PRIM2: variants seen among roughly 807,000 people sequenced by gnomAD.
PRIM2 encodes DNA primase subunit 2, also known as DNA primase large subunit.
A neutral mutation model predicts 67.3 loss-of-function variants in PRIM2; 39 were observed. The observed-to-expected ratio is 0.58, with a 90% CI of 0.45 to 0.76. The LOEUF is 0.76. Among genes scored for constraint, PRIM2 ranks in the 30% least tolerant of loss-of-function variants. PRIM2 has a pLI of 0.00. For missense variants in PRIM2, 398 were observed against 598.7 expected (o/e 0.66, Z 3.50); for synonymous variants, 143 against 198.7 (o/e 0.72, Z 2.36).
intron 8 of PRIM2, among the ~76,000 whole-genome samples, chr6:57,525,545 C>A (rs1374555583): frequency 2.0e-5 from 3 of 152,174 alleles, no homozygotes; most frequent in African/African-American, 7.2e-5. Context: ...CCCAAGATCA[C>A]CCCTTCCGCC....
At chr6:57,290,888 A>G in the PRIM2 span, among the ~76,000 whole-genome samples, 1 of 152,250 alleles carries the variant, frequency 6.6e-6, no homozygotes, top group Non-Finnish European at 1.5e-5. Context: ...AATGCCCACA[A>G]GAGAAAGCAG....
chr6:57,278,795 G>A, the PRIM2 span, among the ~76,000 whole-genome samples: 2 of 152,044 alleles, frequency 1.3e-5, no homozygotes, highest in Non-Finnish European at 2.9e-5. Flanking sequence ...CAGCAGTTGG[G>A]GAGGTAAAAG....
At chr6:57,527,365 G>T (rs1774779612) in intron 8 of PRIM2, among the ~76,000 whole-genome samples, 1 of 152,190 alleles carries the variant, frequency 6.6e-6, no homozygotes, top group African/African-American at 2.4e-5. Context: ...ACTCAGGCTA[G>T]AAACTGATTT....
At chr6:57,480,984 A>G (rs1318640851) in intron 7 of PRIM2, among the ~76,000 whole-genome samples, 10 of 152,162 alleles carry the variant, frequency 6.6e-5, no homozygotes, top group African/African-American at 2.2e-4. Context: ...ATAACTTTTA[A>G]CTTTTTAAAA....
the PRIM2 span, among the ~76,000 whole-genome samples, chr6:57,259,594 G>A: frequency 1.3e-5 from 2 of 152,090 alleles, no homozygotes; most frequent in African/African-American, 4.8e-5. Flanking sequence ...TGCATTGCTG[G>A]GACTACAAAT....
At chr6:57,309,593 C>G in the PRIM2 span, among the ~76,000 whole-genome samples, 1 of 152,064 alleles carries the variant, frequency 6.6e-6, no homozygotes, top group Non-Finnish European at 1.5e-5. Flanking sequence ...GGTTCCAAGT[C>G]TTTGCTATTG....
chr6:57,300,213 T>G, the PRIM2 span, among the ~76,000 whole-genome samples: 2 of 152,246 alleles, frequency 1.3e-5, no homozygotes, highest in Non-Finnish European at 2.9e-5. Context: ...CATTTTGGAC[T>G]TGGCTTTTCA....
intron 7 of PRIM2, among the ~76,000 whole-genome samples, chr6:57,458,815 C>T (rs1262118599): frequency 7.9e-5 from 12 of 152,178 alleles, no homozygotes; most frequent in African/African-American, 2.7e-4. Flanking sequence ...CCAGAATACA[C>T]ACTTTGTCTT....
At chr6:57,428,908 A>G (rs73749589) in intron 7 of PRIM2, among the ~76,000 whole-genome samples, 2 of 152,180 alleles carry the variant, frequency 1.3e-5, no homozygotes, top group Non-Finnish European at 2.9e-5. Flanking sequence ...TTGTATGTAT[A>G]TATGTATTCT....
At chr6:57,441,832 G>C (rs943794742) in intron 7 of PRIM2, among the ~76,000 whole-genome samples, 28 of 152,114 alleles carry the variant, frequency 1.8e-4, no homozygotes, top group Non-Finnish European at 3.1e-4. Flanking sequence ...AGGCAATTCA[G>C]TAAGTCTGAG....
At chr6:57,385,545 G>A (rs1211477774) in intron 7 of PRIM2, among the ~76,000 whole-genome samples, 9 of 152,116 alleles carry the variant, frequency 5.9e-5, no homozygotes, top group African/African-American at 1.4e-4. Context: ...ATGTTTATAA[G>A]TTACTACCAT....
chr6:57,471,187 A>G (rs1156857976), intron 7 of PRIM2, among the ~76,000 whole-genome samples: 12 of 152,052 alleles, frequency 7.9e-5, no homozygotes, highest in African/African-American at 2.7e-4. Flanking sequence ...AGGTACAAAG[A>G]CTGTGAGCTG....
the PRIM2 span, among the ~76,000 whole-genome samples, chr6:57,241,671 A>C: frequency 2.0e-5 from 3 of 146,736 alleles, no homozygotes; most frequent in African/African-American, 7.6e-5. Context: ...TTAATACTAA[A>C]CTATGCAGAA....
Position 57,318,548 on chromosome 6 carries a change from G to A in PRIM2, c.103G>A (p.Glu35Lys). 1 of 1,591,778 alleles carries A rather than the reference G, an allele frequency of 6.3e-7. No individual in the cohort carries two copies. Among genetic ancestry groups the A allele is most frequent in the African/African-American group, 1.3e-5 (1 of 74,654 alleles). ...TCAGTTTTACTTGCAGCCACCTTCT[G>A]AAAACATATCTTTAATAGAATTTGA... is the stretch of plus-strand genomic sequence containing the variant. ...CLQFYLQPPS[E>K]NISLIEFENL... Residue 35 changes from glutamate to lysine, a missense_variant, in exon 2 of 14, where the codon GAA becomes AAA. By Grantham distance (56) the Glu-to-Lys change is moderately conservative (BLOSUM62 1). Coordinates refer to ENST00000615550, the MANE Select transcript of PRIM2 (RefSeq NM_000947.5).
intron 10 of PRIM2, among the ~76,000 whole-genome samples, chr6:57,578,707 C>G (rs1428531969): frequency 1.4e-5 from 2 of 144,648 alleles, no homozygotes; most frequent in Non-Finnish European, 3.0e-5. Flanking sequence ...GACGGAGTCT[C>G]GCTCTGTCGC....
At chr6:57,508,777 G>A (rs1180569641) in intron 8 of PRIM2, among the ~76,000 whole-genome samples, 6 of 152,104 alleles carry the variant, frequency 3.9e-5, no homozygotes, top group Non-Finnish European at 5.9e-5. Flanking sequence ...TATTTTTGAG[G>A]TGGGATTAAC....
At chr6:57,277,219 G>A in the PRIM2 span, among the ~76,000 whole-genome samples, 1 of 152,116 alleles carries the variant, frequency 6.6e-6, no homozygotes, top group Non-Finnish European at 1.5e-5. Flanking sequence ...TTCAAAAGGG[G>A]CAGGTCCATC....
At chr6:57,462,726 A>T (rs1249097948) in intron 7 of PRIM2, among the ~76,000 whole-genome samples, 6 of 152,272 alleles carry the variant, frequency 3.9e-5, no homozygotes, top group African/African-American at 9.6e-5. Context: ...TGATATGGCT[A>T]ATGTGCGAGA....
chr6:57,285,758 A>G, the PRIM2 span, among the ~76,000 whole-genome samples: 1 of 152,222 alleles, frequency 6.6e-6, no homozygotes, highest in Non-Finnish European at 1.5e-5. Context: ...ATTTCTGGCC[A>G]GAGCAATCAG....
Sources: allele counts gnomAD v4.1 joint callset (sites outside exome capture counted in the v4.1 genomes callset), GRCh38; gene constraint gnomAD v4.1.1; transcripts MANE v1.5; gene names NCBI Gene and HGNC (gene_info 2026-07-23, HGNC 2026-07-21).